The following ZC3H4 variants were observed in gnomAD, a reference collection of about 807,000 sequenced individuals.
The protein encoded by ZC3H4 is zinc finger CCCH domain-containing protein 4.
A neutral mutation model predicts 108.3 loss-of-function variants in ZC3H4; 13 were observed. The ratio of observed to expected loss-of-function variants is 0.12; its 90% confidence interval spans 0.08 to 0.19. The LOEUF is 0.19. Among genes scored for constraint, ZC3H4 ranks in the 10% least tolerant of loss-of-function variants. The pLI, the probability that ZC3H4 is intolerant of heterozygous loss-of-function variation, is 1.00. For synonymous variants in ZC3H4, 917 were observed against 749.6 expected (o/e 1.22, Z -3.65); for missense variants, 1,734 against 1,838.8 (o/e 0.94, Z 1.04).
intron 6 of ZC3H4, 87 bp from the exon 7 acceptor site, chr19:47,085,501 G>A: frequency 8.1e-7 from 1 of 1,239,236 alleles, no homozygotes; most frequent in Non-Finnish European, 1.1e-6. Flanking sequence ...CTTTTTGAAG[G>A]ATGGTGACCA....
chr19:47,092,588 G>A (rs570442203), intron 4 of ZC3H4, among the ~76,000 whole-genome samples: 12 of 151,398 alleles, frequency 7.9e-5, no homozygotes, highest in South Asian at 4.2e-4. Context: ...AGGCCAAGGC[G>A]GGCGGGTCAC....
chr19:47,082,775 T>C (rs1336386467), intron 9 of ZC3H4, among the ~76,000 whole-genome samples: 1 of 152,180 alleles, frequency 6.6e-6, no homozygotes, highest in East Asian at 1.9e-4. Context: ...TCCCCCAGGG[T>C]ACCCCTGACC....
chr19:47,077,464 G>A (rs1397176242), intron 11 of ZC3H4, among the ~76,000 whole-genome samples: 9 of 148,218 alleles, frequency 6.1e-5, no homozygotes, highest in South Asian at 4.3e-4. Context: ...GTGAAACTCC[G>A]TCTTAAAAAA....
Position 47,084,396 on chromosome 19 carries a change from G to T in ZC3H4, c.1167C>A (p.Asp389Glu). The T allele has an allele frequency of 1.2e-6, 2 of 1,614,204 alleles. No homozygotes were observed. Among genetic ancestry groups the T allele is most frequent in the South Asian group, 2.2e-5 (2 of 91,088 alleles). ...ACTTGCAAATGACTTTGCCTTTCTT[G>T]TCCGACTGCTGGTGGGGCTTGTCAT... ...RDHDKPHQQS[D>E]KKGKVICKYF... Residue 389 changes from aspartate (D) to glutamate (E), a missense_variant, in exon 9 of 15, where the codon GAC becomes GAA. Coordinates refer to ENST00000253048, the MANE Select transcript of ZC3H4 (RefSeq NM_015168.2).
In ZC3H4 at chr19:47,068,735, G is replaced by C. The variant is rs370440429; in HGVS notation, c.2398+357C>G. ...TAATTTCAATGACTAGCTCTTGTTT[G>C]TTGGCTCCTTGAGAACACGGTAGGA... On this transcript the variant is annotated intron_variant, in intron 14 of 14. Coordinates refer to ENST00000253048, the MANE Select transcript of ZC3H4 (RefSeq NM_015168.2). 3.3e-5 allele frequency among the ~76,000 whole-genome samples: 5 copies of C among 152,230 alleles called. No individual in the cohort carries two copies. The East Asian group carries it at 5.8e-4, about 18-fold the overall frequency.
chr19:47,071,362 C>T (rs191129934), intron 13 of ZC3H4, among the ~76,000 whole-genome samples: 130 of 152,198 alleles, frequency 8.5e-4, no homozygotes, highest in African/African-American at 2.9e-3. Flanking sequence ...GGAAAACGGC[C>T]GGTAATGGGC....
intron 11 of ZC3H4, among the ~76,000 whole-genome samples, chr19:47,078,752 C>G (rs1281407911): frequency 1.3e-5 from 2 of 151,866 alleles, no homozygotes; most frequent in African/African-American, 2.4e-5. Context: ...CCCAGCTACT[C>G]AGGAGGCTGA....
intron 4 of ZC3H4, among the ~76,000 whole-genome samples, chr19:47,092,615 G>A (rs1336441510): frequency 4.6e-5 from 7 of 151,888 alleles, no homozygotes; most frequent in Non-Finnish European, 1.0e-4. Context: ...TCAGGAGTTC[G>A]AGGCCAGCCT....
intron 11 of ZC3H4, among the ~76,000 whole-genome samples, chr19:47,075,123 G>A (rs543317234): frequency 4.3e-4 from 66 of 152,240 alleles, no homozygotes; most frequent in African/African-American, 1.5e-3. Context: ...TCTGGACCCT[G>A]GAACCCCAGG....
intron 2 of ZC3H4, among the ~76,000 whole-genome samples, chr19:47,103,662 C>G (rs2057931350): frequency 6.6e-6 from 1 of 151,294 alleles, no homozygotes; most frequent in Non-Finnish European, 1.5e-5. Flanking sequence ...CACAGTGGCT[C>G]ATGCCTGTAA....
intron 5 of ZC3H4, among the ~76,000 whole-genome samples, chr19:47,088,979 G>A (rs1305400101): frequency 9.2e-5 from 14 of 151,678 alleles, no homozygotes; most frequent in Non-Finnish European, 1.9e-4. Context: ...AGGCCGAGGT[G>A]GGCAGATCAC....
chr19:47,084,549 G>A (rs1369275221), intron 8 of ZC3H4, 94 bp from the exon 9 acceptor site: 4 of 1,244,096 alleles, frequency 3.2e-6, no homozygotes, highest in South Asian at 1.2e-5. Context: ...AGGGGATGAG[G>A]GGTCCCTTCA....
chr19:47,107,700 A>T (rs1310237802), intron 2 of ZC3H4, among the ~76,000 whole-genome samples: 1 of 151,962 alleles, frequency 6.6e-6, no homozygotes, highest in Non-Finnish European at 1.5e-5. Flanking sequence ...TAAATCTAGC[A>T]CCAACCAAGA....
chr19:47,090,024 A>AGTC lies in ZC3H4; in HGVS notation c.655_657dup (p.Asp219dup). ...CGGTACTGGTTCAGCTCTTTGGTGA[A>AGTC]GTCGTCATAGTCCTCCTTGCCCATG... On this transcript the variant is annotated inframe_insertion, in exon 5 of 15. Transcript: ENST00000253048. 6.2e-7 allele frequency: 1 copy of AGTC among 1,614,188 alleles called. No homozygotes were observed. Among genetic ancestry groups the AGTC allele is most frequent in the Non-Finnish European group, 8.5e-7 (1 of 1,180,034 alleles).
At position 47,081,501 on chromosome 19, in the gene ZC3H4, C is replaced by G; in HGVS notation, c.1440+12G>C. ...TCCTGTAGCCGGGGGCCCCGTTACC[C>G]CCGGACATTACCTTATCCAAGAGCT... On this transcript the variant is annotated intron_variant, in intron 11 of 14. Coordinates refer to ENST00000253048, the MANE Select transcript of ZC3H4 (RefSeq NM_015168.2). 5 of 1,613,620 alleles carry G rather than the reference C, an allele frequency of 3.1e-6. No homozygotes were observed. The highest frequency in any genetic ancestry group is 4.2e-6 in the Non-Finnish European group (5 of 1,179,596).
chr19:47,067,900 G>T lies in ZC3H4; in HGVS notation c.2399-31C>A. 4.5e-6 allele frequency: 7 copies of T among 1,550,750 alleles called. No individual in the cohort carries two copies. The highest frequency in any genetic ancestry group is 6.1e-6 in the Non-Finnish European group (7 of 1,152,198). ...AAAGAACAGAGGAGCAGGGAGGGGT[G>T]AGTGGGCGCATCCACCACCCGCCCT... On this transcript the variant is annotated intron_variant, in intron 14 of 14. Transcript: ENST00000253048. This position sits in a 1 kb window ranked among gnomAD's most constrained non-coding sequence, Gnocchi z 6.4.
rs2057343696 is a variant in ZC3H4 at position 47,072,259 on chromosome 19, G to A, written c.1802+93C>T. On this transcript the variant is annotated intron_variant, in intron 12 of 14. Coordinates refer to ENST00000253048, the MANE Select transcript of ZC3H4 (RefSeq NM_015168.2). This position sits in a 1 kb window ranked among gnomAD's most constrained non-coding sequence, Gnocchi z 5.6. ...CTCCCACAGCTGGGGAGAGAGGCAG[G>A]ACTCTCCCACAGCCAGGCTTGCCCT... The A allele has an allele frequency of 2.1e-6, 3 of 1,430,918 alleles. No homozygotes were observed. Among genetic ancestry groups the A allele is most frequent in the Non-Finnish European group, 2.9e-6 (3 of 1,052,112 alleles). The allele number at this position is 1,430,918 out of a possible 1,614,324, so 88.6% of individuals were successfully genotyped here. A position where few individuals can be genotyped will look rare whatever the true frequency, so the allele number is the denominator to read the frequency against.
intron 2 of ZC3H4, among the ~76,000 whole-genome samples, chr19:47,108,550 T>C (rs2057996434): frequency 6.6e-6 from 1 of 152,192 alleles, no homozygotes; most frequent in Non-Finnish European, 1.5e-5. Flanking sequence ...TTAAATAAAT[T>C]ACTAACCAGG....
rs958947816 is a variant in ZC3H4, at chr19:47,102,957, A to G, written c.162-8349T>C. 5.3e-5 allele frequency among the ~76,000 whole-genome samples: 8 copies of G among 152,282 alleles called. No individual in the cohort carries two copies. In the East Asian group the frequency reaches 1.5e-3, roughly 29 times the overall value. ...AGAACATTTCTGTAAAGCTTCAAAC[A>G]GGCTGACCGTGAAAAAACCCAGCCT... On this transcript the variant is annotated intron_variant, in intron 2 of 14. Transcript: ENST00000253048.
Sources: allele counts gnomAD v4.1 joint callset (sites outside exome capture counted in the v4.1 genomes callset), GRCh38; gene constraint gnomAD v4.1.1; non-coding constraint Gnocchi (gnomAD v3.1); transcripts MANE v1.5; gene names NCBI Gene and HGNC (gene_info 2026-07-23, HGNC 2026-07-21).